ZFHX4: variants seen among roughly 807,000 people sequenced by gnomAD.
ZFHX4 encodes the protein zinc finger homeobox protein 4.
ZFHX4 carries 56 observed loss-of-function variants against 267.6 expected under a neutral mutation model. The observed-to-expected ratio is 0.21, with a 90% CI of 0.17 to 0.26. The LOEUF is 0.26. ZFHX4 is among the 10% of genes least tolerant of loss of function. ZFHX4 has a pLI of 1.00. For missense variants in ZFHX4, 4,332 were observed against 4,420.0 expected (o/e 0.98, Z 0.56); for synonymous variants, 1,778 against 1,665.6 (o/e 1.07, Z -1.64).
intron 4 of ZFHX4, among the ~76,000 whole-genome samples, chr8:76,782,577 C>T (rs1810579830): frequency 6.6e-6 from 1 of 151,778 alleles, no homozygotes; most frequent in African/African-American, 2.4e-5. Context: ...ACCTTTCTGC[C>T]TTCCATTTAT....
In ZFHX4 at chr8:76,864,786, A is replaced by G. The variant is rs138036812; in HGVS notation, c.*221A>G. The G allele has an allele frequency of 1.9e-3, 629 of 333,172 alleles. 4 individuals are homozygous for G. The highest frequency in any genetic ancestry group is 3.0e-3 in the Non-Finnish European group (545 of 184,240). The allele number at this position is 333,172 out of a possible 1,614,324, so 20.6% of individuals were successfully genotyped here. A position where few individuals can be genotyped will look rare whatever the true frequency, so the allele number is the denominator to read the frequency against. On this transcript the variant is annotated 3_prime_UTR_variant, in exon 11 of 11. Coordinates refer to ENST00000651372, the MANE Select transcript of ZFHX4 (RefSeq NM_024721.5). ...TGAATGCGCTTGTACTATATGCTAA[A>G]ATATGGAAAAGGAAAAAAAAATCTC...
Position 76,799,199 on chromosome 8 carries a change from A to G in ZFHX4, c.3325+20760A>G, listed in dbSNP as rs1423682225. Among the ~76,000 whole-genome samples the G allele has an allele frequency of 4.0e-5, 6 of 151,784 alleles. No individual in the cohort carries two copies. The East Asian group carries it at 1.2e-3, about 29-fold the overall frequency. On this transcript the variant is annotated intron_variant, in intron 4 of 10. Coordinates refer to ENST00000651372, the MANE Select transcript of ZFHX4 (RefSeq NM_024721.5). ...GTCACATGCTGAGATTCTTGCTAACATTATCACATGCCAGTCACACCAAGT... is the reference window on the plus strand; with the variant it reads ...GTCACATGCTGAGATTCTTGCTAACGTTATCACATGCCAGTCACACCAAGT...
In ZFHX4 at chr8:76,855,454, C is replaced by G. The variant is rs147468121; in HGVS notation, c.8533C>G (p.Leu2845Val). The G allele has an allele frequency of 2.5e-6, 4 of 1,613,632 alleles. No individual in the cohort carries two copies. The African/African-American group carries it at 4.0e-5, about 16-fold the overall frequency. The change falls in exon 10 of 11, where the codon CTG (leucine) becomes GTG (valine). Residue 2845 changes from leucine to valine, a missense_variant. Around this residue, in one of 7 missense-constraint regions of ZFHX4, gnomAD observed 1,648 missense variants for 1,625.0 expected, o/e 1.01. Transcript: ENST00000651372. ...TTTGTCTCCCAAAGAGCCAAAAACT[C>G]TGGATACTCTGCCAAAACCTGCAAC... is the stretch of plus-strand genomic sequence containing the variant. ...PALSPKEPKT[L>V]DTLPKPATTP...
At chr8:76,718,935 T>TCACACACACACACACACA (rs34486060) in intron 3 of ZFHX4, among the ~76,000 whole-genome samples, 1 of 141,280 alleles carries the variant, frequency 7.1e-6, no homozygotes, top group African/African-American at 2.6e-5. Context: ...CTGAAATTGA[T>TCACACACACACACACACA]CACACACACA....
rs755402871 is a variant in ZFHX4 at position 76,706,652 on chromosome 8, C to G, written c.2564C>G (p.Thr855Arg). The stretch of plus-strand genomic sequence containing the variant: ...AATCCATTCCAGCTGGATCCAGCGA[C>G]AGCAGCGGCTTTGGCACCAGGGCTC... ...MINPFQLDPA[T>R]AAALAPGLVN... The change falls in exon 2 of 11, where the codon ACA becomes AGA. Residue 855 changes from threonine to arginine, a missense_variant. Coordinates refer to ENST00000651372, the MANE Select transcript of ZFHX4 (RefSeq NM_024721.5). The G allele has an allele frequency of 3.8e-6, 6 of 1,594,892 alleles. No homozygotes were observed. The highest frequency in any genetic ancestry group is 5.1e-6 in the Non-Finnish European group (6 of 1,172,802).
At chr8:76,749,646 G>T (rs1809562648) in intron 3 of ZFHX4, among the ~76,000 whole-genome samples, 1 of 152,126 alleles carries the variant, frequency 6.6e-6, no homozygotes, top group African/African-American at 2.4e-5. Flanking sequence ...ACAAAGAGAT[G>T]CTGGTTTCTA....
rs1375961283 is a variant in ZFHX4 at position 76,771,100 on chromosome 8, G to A, written c.3094-7108G>A. ...TTAAGAATTTTAGGGTTTGTTCTAA[G>A]AGAAAAGGAATGCTATTGAAGAGTG... is the stretch of plus-strand genomic sequence containing the variant. On this transcript the variant is annotated intron_variant, in intron 3 of 10. Transcript: ENST00000651372. 2.0e-5 allele frequency among the ~76,000 whole-genome samples: 3 copies of A among 152,290 alleles called. No individual in the cohort carries two copies. The East Asian group carries it at 5.8e-4, about 29-fold the overall frequency.
At chr8:76,690,768 G>A (rs1418782613) in intron 1 of ZFHX4, among the ~76,000 whole-genome samples, 1 of 151,682 alleles carries the variant, frequency 6.6e-6, no homozygotes, top group Non-Finnish European at 1.5e-5. Context: ...CTCTTTCCAT[G>A]TTAGGCCTCT....
chr8:76,834,201 G>A, intron 5 of ZFHX4: 1 of 420,034 alleles, frequency 2.4e-6, no homozygotes, highest in Non-Finnish European at 4.7e-6. Context: ...GAGCATCGGT[G>A]TCCAGGCTTT....
intron 3 of ZFHX4, among the ~76,000 whole-genome samples, chr8:76,763,672 T>C (rs1809976517): frequency 6.6e-6 from 1 of 152,092 alleles, no homozygotes; most frequent in South Asian, 2.1e-4. Flanking sequence ...TTATATATGA[T>C]AATGGTTGTA....
rs1810806680 is a variant in ZFHX4 at position 76,790,552 on chromosome 8, A to G, written c.3325+12113A>G. Among the ~76,000 whole-genome samples, 3 of 152,174 alleles carry G rather than the reference A, an allele frequency of 2.0e-5. No individual in the cohort carries two copies. The South Asian group carries it at 6.2e-4, about 31-fold the overall frequency. Reference sequence around the variant, plus strand: ...ACATTAAATTTTTCCAAAATTCTCTACATAAAGAATTATTGGCTTGAGATA... The same window carrying G: ...ACATTAAATTTTTCCAAAATTCTCTGCATAAAGAATTATTGGCTTGAGATA... On this transcript the variant is annotated intron_variant, in intron 4 of 10. Transcript: ENST00000651372.
chr8:76,696,275 A>G (rs1033256775), intron 1 of ZFHX4, among the ~76,000 whole-genome samples: 4 of 152,182 alleles, frequency 2.6e-5, no homozygotes, highest in Non-Finnish European at 5.9e-5. Context: ...TATTTCTTCA[A>G]CATGGTTCCT....
At chr8:76,712,964 TACTTATA>T (rs1260171416) in intron 3 of ZFHX4, among the ~76,000 whole-genome samples, 27 of 152,298 alleles carry the variant, frequency 1.8e-4, no homozygotes, top group African/African-American at 5.8e-4. Flanking sequence ...ACTTGCATAA[TACTTATA>T]ACTTATAAAT....
chr8:76,776,761 G>A (rs988814485), intron 3 of ZFHX4, among the ~76,000 whole-genome samples: 2 of 152,082 alleles, frequency 1.3e-5, no homozygotes, highest in Non-Finnish European at 2.9e-5. Context: ...TGAGAATGAC[G>A]CTTTAGAACA....
chr8:76,813,333 G>T (rs1585971678), intron 4 of ZFHX4, among the ~76,000 whole-genome samples: 2 of 152,166 alleles, frequency 1.3e-5, no homozygotes, highest in East Asian at 3.9e-4. Context: ...ATATTCACAA[G>T]TTTATTATAA....
At chr8:76,801,341 T>G (rs1388738908) in intron 4 of ZFHX4, among the ~76,000 whole-genome samples, 1 of 152,218 alleles carries the variant, frequency 6.6e-6, no homozygotes, top group African/African-American at 2.4e-5. Context: ...CAAATCTCTG[T>G]AAGTTTATTA....
At chr8:76,700,782 C>T (rs1808081552) in intron 1 of ZFHX4, among the ~76,000 whole-genome samples, 1 of 152,122 alleles carries the variant, frequency 6.6e-6, no homozygotes, top group Non-Finnish European at 1.5e-5. Context: ...AGCATTAAAA[C>T]TATGTTAGGT....
At chr8:76,810,446 T>C (rs1811348666) in intron 4 of ZFHX4, among the ~76,000 whole-genome samples, 1 of 152,150 alleles carries the variant, frequency 6.6e-6, no homozygotes, top group African/African-American at 2.4e-5. Context: ...TGCAGCAGGC[T>C]CCTCAGATAA....
chr8:76,700,687 G>C lies in ZFHX4; in HGVS notation c.-46-3356G>C, dbSNP rs955239349. Among the ~76,000 whole-genome samples the C allele has an allele frequency of 3.3e-5, 5 of 152,268 alleles. No individual in the cohort carries two copies. The South Asian group carries it at 1.0e-3, about 32-fold the overall frequency. On this transcript the variant is annotated intron_variant, in intron 1 of 10. Transcript: ENST00000651372. Reference sequence around the variant, plus strand: ...GAGATTTGACATGATCAAAGTCACTGATCTTGTGAATTACTGAGAATACCA... The same window carrying C: ...GAGATTTGACATGATCAAAGTCACTCATCTTGTGAATTACTGAGAATACCA...
Sources: gnomAD v4.1 joint callset for allele counts (sites outside exome capture counted in the v4.1 genomes callset) on GRCh38, gnomAD v4.1.1 for gene constraint, gnomAD v4.1.1 regional missense constraint, MANE v1.5 for transcripts, NCBI Gene and HGNC (gene_info 2026-07-23, HGNC 2026-07-21) for gene names.